The following AGAP4 variants were observed in gnomAD, a reference collection of about 807,000 sequenced individuals.
The protein encoded by AGAP4 is arf-GAP with GTPase, ANK repeat and PH domain-containing protein 4.
In AGAP4, 13 loss-of-function variants were observed where a neutral mutation model predicts 60.7. The ratio of observed to expected loss-of-function variants is 0.21; its 90% CI spans 0.14 to 0.34. The LOEUF is 0.34. AGAP4 is among the 10% of genes least tolerant of loss of function. AGAP4 has a pLI of 1.00. For synonymous variants in AGAP4, 70 were observed against 339.0 expected (o/e 0.21, Z 8.72); for missense variants, 169 against 884.0 (o/e 0.19, Z 10.26).
intron 4 of AGAP4, among the ~76,000 whole-genome samples, chr10:45,839,948 C>G (rs4042880): frequency 9.4e-5 from 14 of 148,354 alleles, no homozygotes; most frequent in South Asian, 2.1e-4. Flanking sequence ...GAAAAAAATA[C>G]AAGGGGAAAA....
intron 2 of AGAP4, among the ~76,000 whole-genome samples, chr10:45,846,280 C>G (rs1407116408): frequency 6.6e-6 from 1 of 151,008 alleles, no homozygotes; most frequent in African/African-American, 2.4e-5. Context: ...ACATTTCACA[C>G]CTTTCACAAT....
chr10:45,853,568 A>G (rs2059109120), intron 1 of AGAP4: 1 of 1,249,694 alleles, frequency 8.0e-7, no homozygotes, highest in Non-Finnish European at 1.0e-6. Context: ...AGGTCTTCAC[A>G]CTATCAATTG....
chr10:45,854,580 G>C (rs1216537320), upstream of AGAP4: 1 of 133,652 alleles, frequency 7.5e-6, no homozygotes, highest in Non-Finnish European at 1.5e-5. Context: ...GTTGCAGTGA[G>C]CCAAGACTGT....
upstream of AGAP4, among the ~76,000 whole-genome samples, chr10:45,850,524 G>C (rs1554900219): frequency 6.6e-6 from 1 of 152,144 alleles, no homozygotes; most frequent in Non-Finnish European, 1.5e-5. Context: ...AAAAGTCTCT[G>C]TCAGATGTGT....
At chr10:45,836,866 A>ACCT (rs2058825661) in intron 4 of AGAP4, among the ~76,000 whole-genome samples, 1 of 137,142 alleles carries the variant, frequency 7.3e-6, no homozygotes, top group African/African-American at 2.9e-5. Context: ...ATGGTGGATT[A>ACCT]TCTTTTTTTT....
At chr10:45,838,876 G>C (rs78341628) in intron 4 of AGAP4, among the ~76,000 whole-genome samples, 1 of 147,382 alleles carries the variant, frequency 6.8e-6, no homozygotes, top group African/African-American at 2.5e-5. Flanking sequence ...TGAAGTAATG[G>C]GAAGTATATG....
At chr10:45,850,547 G>A (rs2135975828), upstream of AGAP4, among the ~76,000 whole-genome samples, 1 of 152,282 alleles carries the variant, frequency 6.6e-6, no homozygotes, top group South Asian at 2.1e-4. Flanking sequence ...GTAGTGGTCT[G>A]TATAATAAGG....
upstream of AGAP4, among the ~76,000 whole-genome samples, chr10:45,849,581 G>T (rs2059057284): frequency 6.6e-6 from 1 of 150,824 alleles, no homozygotes; most frequent in South Asian, 2.1e-4. Context: ...TAGATGTATA[G>T]AAATACAATT....
intron 4 of AGAP4, among the ~76,000 whole-genome samples, chr10:45,836,295 G>A (rs1284794799): frequency 6.6e-6 from 1 of 152,058 alleles, no homozygotes; most frequent in Non-Finnish European, 1.5e-5. Flanking sequence ...TTCTAAGCTT[G>A]GTCGCTTCTG....
chr10:45,851,138 G>C (rs1488011130), upstream of AGAP4, among the ~76,000 whole-genome samples: 1 of 152,046 alleles, frequency 6.6e-6, no homozygotes, highest in Non-Finnish European at 1.5e-5. Flanking sequence ...AGAGAATGGA[G>C]AAAGCAATTG....
chr10:45,826,795 GA>G lies in AGAP4; in HGVS notation c.1180del (p.Ser394LeufsTer10), dbSNP rs1346057624. 1.3e-6 allele frequency: 2 copies of G among 1,538,750 alleles called. No homozygotes were observed. The highest frequency in any genetic ancestry group is 1.8e-6 in the Non-Finnish European group (2 of 1,128,518). On this transcript the variant is annotated frameshift_variant, in exon 8 of 8. Transcript: ENST00000616763. LOFTEE classifies it high-confidence loss of function. ...GTGTTTCTTTTTATTGGCATGAGGA[GA>G]GGGGGGCGGGTTGAGCTTGGGGCTG... ...TTSPKLNPPP[S>X]PHANKKKHLK...
chr10:45,847,437 C>A lies in AGAP4; in HGVS notation c.-90G>T, dbSNP rs2059018471. On this transcript the variant is annotated 5_prime_UTR_variant, in exon 1 of 8. Coordinates refer to ENST00000616763, the MANE Select transcript of AGAP4 (RefSeq NM_001276343.3). ...TGTCCTAGGCCGAGGCTATGCTGCA[C>A]TTGCAGAGATGGTCTTCCCGCTCCT... The A allele has an allele frequency of 6.5e-7, 1 of 1,533,356 alleles. No homozygotes were observed. Among genetic ancestry groups the A allele is most frequent in the Non-Finnish European group, 8.7e-7 (1 of 1,146,102 alleles). 95.0% of individuals were successfully genotyped at this position (1,533,356 alleles called of 1,614,324 possible). A position where few individuals can be genotyped will look rare whatever the true frequency, so the allele number is the denominator to read the frequency against.
At chr10:45,847,523 C>G, upstream of AGAP4, 1 of 1,505,586 alleles carries the variant, frequency 6.6e-7, no homozygotes, top group Admixed American at 2.0e-5. Flanking sequence ...CTGGCCCCGG[C>G]CCCGGCTAGG....
At chr10:45,846,809 T>A (rs1366027961) in intron 1 of AGAP4, 54 bp from the exon 2 acceptor site, 1 of 658,900 alleles carries the variant, frequency 1.5e-6, no homozygotes, top group Admixed American at 2.9e-5. Flanking sequence ...TAAAAATTTA[T>A]CAACTCATTT....
rs1257297537 is a variant in AGAP4 at position 45,826,401 on chromosome 10, T to G, written c.1575A>C (p.Pro525=). 1 of 1,605,630 alleles carries G rather than the reference T, an allele frequency of 6.2e-7. No homozygotes were observed. The highest frequency in any genetic ancestry group is 8.5e-7 in the Non-Finnish European group (1 of 1,175,366). Residue 525 remains proline, a synonymous_variant, in exon 8 of 8, where the codon CCA becomes CCC. Coordinates refer to ENST00000616763, the MANE Select transcript of AGAP4 (RefSeq NM_001276343.3). ...RVRSLELDDW[P]VELRKVMSSI... is the part of the protein sequence containing the mutation. Reference sequence around the variant, plus strand: ...ATGACATAACCTTCCTGAGCTCAACTGGCCAGTCATCCAGCTCCAGAGATC... The same window carrying G: ...ATGACATAACCTTCCTGAGCTCAACGGGCCAGTCATCCAGCTCCAGAGATC...
chr10:45,843,921 T>G (rs1466242598), intron 3 of AGAP4, among the ~76,000 whole-genome samples: 1 of 150,174 alleles, frequency 6.7e-6, no homozygotes, highest in African/African-American at 2.5e-5. Context: ...TAAACGACTA[T>G]GTTTTTTAAT....
In AGAP4 at chr10:45,825,675, G is replaced by C. The variant is rs1408747353; in HGVS notation, c.*240C>G. ...ATCTAAATACATAATACAGAAGCCT[G>C]TGTGACTTGGGCAATGTGGCCAGGA... On this transcript the variant is annotated 3_prime_UTR_variant, in exon 8 of 8. Coordinates refer to ENST00000616763, the MANE Select transcript of AGAP4 (RefSeq NM_001276343.3). 19 of 497,016 alleles carry C rather than the reference G, an allele frequency of 3.8e-5. No individual in the cohort carries two copies. The highest frequency in any genetic ancestry group is 6.5e-5 in the Non-Finnish European group (18 of 275,712). The allele number at this position is 497,016 out of a possible 1,614,324, so 30.8% of individuals were successfully genotyped here. A position where few individuals can be genotyped will look rare whatever the true frequency, so the allele number is the denominator to read the frequency against.
chr10:45,837,642 G>C (rs1460603432), intron 4 of AGAP4, among the ~76,000 whole-genome samples: 8 of 151,846 alleles, frequency 5.3e-5, no homozygotes, highest in African/African-American at 1.7e-4. Context: ...TCAACAAATG[G>C]TGCTGGGATA....
intron 5 of AGAP4, among the ~76,000 whole-genome samples, chr10:45,832,464 CAT>C (rs1459837232): frequency 6.7e-6 from 1 of 148,278 alleles, no homozygotes; most frequent in Non-Finnish European, 1.5e-5. Context: ...TCATCTTCCA[CAT>C]GAGACATTTT....
Sources: allele counts gnomAD v4.1 joint callset (sites outside exome capture counted in the v4.1 genomes callset), GRCh38; gene constraint gnomAD v4.1.1; transcripts MANE v1.5; gene names NCBI Gene and HGNC (gene_info 2026-07-23, HGNC 2026-07-21).